Variants in TMEM108 observed in about 807,000 individuals in gnomAD.
TMEM108 encodes the protein cancer/testis antigen 124.
A neutral mutation model predicts 35.1 loss-of-function variants in TMEM108; 12 were observed. The ratio of observed to expected loss-of-function variants is 0.34; its 90% CI spans 0.22 to 0.55. The LOEUF is 0.55. TMEM108 is among the 20% of genes least tolerant of loss of function. TMEM108 has a pLI of 0.89. For synonymous variants in TMEM108, 287 were observed against 308.6 expected (o/e 0.93, Z 0.73); for missense variants, 680 against 753.3 (o/e 0.90, Z 1.14).
At chr3:133,133,687 TTTTC>T (rs1484928301) in intron 2 of TMEM108, among the ~76,000 whole-genome samples, 3 of 151,840 alleles carry the variant, frequency 2.0e-5, no homozygotes, top group East Asian at 3.9e-4. Context: ...TTTCCTTTTT[TTTTC>T]TTTCTTTTTT....
chr3:133,372,685 A>C (rs1328456072), intron 3 of TMEM108, among the ~76,000 whole-genome samples: 1 of 152,250 alleles, frequency 6.6e-6, no homozygotes, highest in African/African-American at 2.4e-5. Context: ...CTGTTGAACC[A>C]GTAATCTCAG....
intron 3 of TMEM108, among the ~76,000 whole-genome samples, chr3:133,241,609 C>CTTTTT (rs71136458): frequency 1.0e-4 from 8 of 76,262 alleles, no homozygotes; most frequent in South Asian, 6.6e-4. Context: ...TTTCCTGTGG[C>CTTTTT]TTTTTTTTTT....
At chr3:133,224,020 T>C (rs1946031118) in intron 2 of TMEM108, among the ~76,000 whole-genome samples, 1 of 152,214 alleles carries the variant, frequency 6.6e-6, no homozygotes, top group African/African-American at 2.4e-5. Context: ...CTGTTCCATG[T>C]ATTATGGGAA....
At chr3:133,046,534 G>A (rs956129928) in intron 2 of TMEM108, among the ~76,000 whole-genome samples, 1 of 152,180 alleles carries the variant, frequency 6.6e-6, no homozygotes, top group South Asian at 2.1e-4. Context: ...AAAGTACATG[G>A]TTTTGCCTGT....
At chr3:133,062,054 A>G (rs1943543081) in intron 2 of TMEM108, among the ~76,000 whole-genome samples, 4 of 152,362 alleles carry the variant, frequency 2.6e-5, no homozygotes, top group Admixed American at 2.6e-4. Flanking sequence ...ATCTGATAGC[A>G]TGGATGGTGA....
chr3:133,074,129 T>C (rs780638157), intron 2 of TMEM108, among the ~76,000 whole-genome samples: 1 of 152,168 alleles, frequency 6.6e-6, no homozygotes, highest in African/African-American at 2.4e-5. Flanking sequence ...TTTTTTGTTT[T>C]ATTTTGTTTA....
At chr3:133,182,303 T>C (rs1237075151) in intron 2 of TMEM108, among the ~76,000 whole-genome samples, 1 of 152,210 alleles carries the variant, frequency 6.6e-6, no homozygotes, top group Non-Finnish European at 1.5e-5. Flanking sequence ...TTTGTTTTGA[T>C]CTAGGAAAAT....
intron 3 of TMEM108, among the ~76,000 whole-genome samples, chr3:133,321,392 T>G (rs539729611): frequency 1.3e-5 from 2 of 152,172 alleles, no homozygotes; most frequent in East Asian, 3.9e-4. Flanking sequence ...AAACAAACTT[T>G]GAAGCAACAA....
At chr3:133,166,973 A>G (rs899629748) in intron 2 of TMEM108, among the ~76,000 whole-genome samples, 2 of 150,598 alleles carry the variant, frequency 1.3e-5, no homozygotes, top group African/African-American at 4.9e-5. Flanking sequence ...TGATTGGTGC[A>G]TTTACAATCT....
intron 3 of TMEM108, among the ~76,000 whole-genome samples, chr3:133,363,645 A>G (rs1234183090): frequency 6.6e-6 from 1 of 151,844 alleles, no homozygotes; most frequent in African/African-American, 2.4e-5. Context: ...GGCTCAAGCA[A>G]TCTGCCTACC....
chr3:133,099,349 G>C (rs1465461382), intron 2 of TMEM108, among the ~76,000 whole-genome samples: 2 of 152,114 alleles, frequency 1.3e-5, no homozygotes, highest in African/African-American at 2.4e-5. Context: ...TTTCCTCCTG[G>C]GCTTCCAGGC....
In TMEM108 at chr3:133,397,363, T is replaced by G. The variant is rs1208510664; in HGVS notation, c.*1377T>G. 6.6e-6 allele frequency: 1 copy of G among 151,326 alleles called. No homozygotes were observed. The highest frequency in any genetic ancestry group is 1.5e-5 in the Non-Finnish European group (1 of 68,008). The allele number at this position is 151,326 out of a possible 1,614,324, so 9.4% of individuals were successfully genotyped here. ...TTTGTGTTGTTGCTGTAGTCTATCA[T>G]GACTTTTTTCTTTCTGCATTTTCCT... On this transcript the variant is annotated 3_prime_UTR_variant, in exon 6 of 6. Coordinates refer to ENST00000321871, the MANE Select transcript of TMEM108 (RefSeq NM_023943.4).
In TMEM108 at chr3:133,325,369, C is replaced by T. The variant is rs545229309; in HGVS notation, c.41-54383C>T. Among the ~76,000 whole-genome samples the T allele has an allele frequency of 3.3e-5, 5 of 152,268 alleles. No homozygotes were observed. The South Asian group carries it at 1.0e-3, about 32-fold the overall frequency. On this transcript the variant is annotated intron_variant, in intron 3 of 5. Transcript: ENST00000321871. ...GGTGAGGGATAAAACTATGCATTGGCTACACTGCTTAGGTGATGAGTGCAC... is the reference window on the plus strand; with the variant it reads ...GGTGAGGGATAAAACTATGCATTGGTTACACTGCTTAGGTGATGAGTGCAC...
intron 3 of TMEM108, among the ~76,000 whole-genome samples, chr3:133,281,395 C>A (rs1236602202): frequency 6.6e-6 from 1 of 152,172 alleles, no homozygotes; most frequent in African/African-American, 2.4e-5. Context: ...CACCAAAAAA[C>A]CAGGCTTCAA....
chr3:133,151,183 T>G (rs1360718078), intron 2 of TMEM108, among the ~76,000 whole-genome samples: 1 of 152,146 alleles, frequency 6.6e-6, no homozygotes, highest in Non-Finnish European at 1.5e-5. Flanking sequence ...CTCCTGACAT[T>G]GGCACTTGAC....
chr3:133,375,347 C>T (rs142282257), intron 3 of TMEM108, among the ~76,000 whole-genome samples: 14 of 152,274 alleles, frequency 9.2e-5, no homozygotes, highest in African/African-American at 3.4e-4. Flanking sequence ...ATGTAGATTC[C>T]ACCCCACAAC....
intron 2 of TMEM108, among the ~76,000 whole-genome samples, chr3:133,071,401 C>A (rs974330256): frequency 6.6e-6 from 1 of 152,054 alleles, no homozygotes; most frequent in Non-Finnish European, 1.5e-5. Context: ...TATGAGAACA[C>A]CAGTCATATT....
intron 2 of TMEM108, among the ~76,000 whole-genome samples, chr3:133,121,865 G>T (rs896305187): frequency 6.6e-6 from 1 of 152,136 alleles, no homozygotes; most frequent in Non-Finnish European, 1.5e-5. Flanking sequence ...GAAAGGCAAT[G>T]CTCTATTTTT....
intron 2 of TMEM108, among the ~76,000 whole-genome samples, chr3:133,094,151 C>T (rs1278048177): frequency 6.6e-6 from 1 of 152,096 alleles, no homozygotes; most frequent in South Asian, 2.1e-4. Flanking sequence ...TCTTAACCCT[C>T]TCAGTACCTG....
Sources: allele counts gnomAD v4.1 joint callset (sites outside exome capture counted in the v4.1 genomes callset), GRCh38; gene constraint gnomAD v4.1.1; transcripts MANE v1.5; gene names NCBI Gene and HGNC (gene_info 2026-07-23, HGNC 2026-07-21).